The following CENPW variants were observed in gnomAD, a reference collection of about 807,000 sequenced individuals.
CENPW encodes the protein cancer-up-regulated gene 2 protein.
Under a neutral mutation model 11.1 loss-of-function variants are expected in CENPW, and 3 were observed. The observed-to-expected ratio is 0.27, with a 90% CI of 0.12 to 0.70. The LOEUF (loss-of-function observed/expected upper bound fraction) is 0.70, where lower values mean the gene tolerates loss of function less well. Among genes scored for constraint, CENPW ranks in the 30% least tolerant of loss-of-function variants. The pLI is 0.77. For missense variants in CENPW, 100 were observed against 105.6 expected (o/e 0.95, Z 0.23); for synonymous variants, 38 against 42.0 (o/e 0.91, Z 0.37).
chr6:126,440,868 T>G, the CENPW span, among the ~76,000 whole-genome samples: 1 of 151,282 alleles, frequency 6.6e-6, no homozygotes, highest in Non-Finnish European at 1.5e-5. Flanking sequence ...TTGAGGAGGG[T>G]CAGAAGTGTT....
the CENPW span, among the ~76,000 whole-genome samples, chr6:126,404,104 C>G: frequency 6.6e-6 from 1 of 152,034 alleles, no homozygotes; most frequent in Non-Finnish European, 1.5e-5. Flanking sequence ...GCATGGTTTA[C>G]TGAATATTTT....
At chr6:126,381,153 C>T in the CENPW span, among the ~76,000 whole-genome samples, 3 of 152,204 alleles carry the variant, frequency 2.0e-5, no homozygotes, top group Non-Finnish European at 4.4e-5. Flanking sequence ...TGTAGTCCCT[C>T]AGTGGTCCTT....
At chr6:126,460,863 T>C in the CENPW span, among the ~76,000 whole-genome samples, 2 of 151,810 alleles carry the variant, frequency 1.3e-5, no homozygotes, top group African/African-American at 4.8e-5. Flanking sequence ...GACATAAAAG[T>C]TGAAGACTAG....
At chr6:126,404,429 C>T in the CENPW span, among the ~76,000 whole-genome samples, 20 of 151,982 alleles carry the variant, frequency 1.3e-4, no homozygotes, top group African/African-American at 4.6e-4. Flanking sequence ...ACACTTAGAT[C>T]GATTCCATAC....
the CENPW span, among the ~76,000 whole-genome samples, chr6:126,474,605 C>A: frequency 2.0e-5 from 3 of 152,142 alleles, no homozygotes; most frequent in Non-Finnish European, 4.4e-5. Context: ...TCTGCTTCTG[C>A]TGTAAGCCAC....
chr6:126,432,070 A>C, the CENPW span, among the ~76,000 whole-genome samples: 3 of 150,180 alleles, frequency 2.0e-5, no homozygotes, highest in Admixed American at 6.6e-5. Context: ...ATCTCACAAA[A>C]AAAAAAAAAA....
At chr6:126,437,983 A>C in the CENPW span, among the ~76,000 whole-genome samples, 1 of 151,912 alleles carries the variant, frequency 6.6e-6, no homozygotes, top group African/African-American at 2.4e-5. Context: ...TTATATGATG[A>C]ATATTTATTG....
the CENPW span, among the ~76,000 whole-genome samples, chr6:126,427,471 A>G: frequency 5.6e-4 from 86 of 152,270 alleles, no homozygotes; most frequent in Middle Eastern, 6.8e-3. Context: ...TACCAGCTAC[A>G]TCAGTTTACT....
chr6:126,393,567 T>G, the CENPW span, among the ~76,000 whole-genome samples: 1 of 151,734 alleles, frequency 6.6e-6, no homozygotes, highest in South Asian at 2.1e-4. Flanking sequence ...TATTGTTTAA[T>G]TACCATTTTT....
chr6:126,435,278 AT>A, the CENPW span, among the ~76,000 whole-genome samples: 13 of 151,934 alleles, frequency 8.6e-5, no homozygotes, highest in East Asian at 1.5e-3. Flanking sequence ...GTGGAAAAAT[AT>A]TTTTTTATAA....
At chr6:126,464,313 G>A in the CENPW span, among the ~76,000 whole-genome samples, 5 of 152,106 alleles carry the variant, frequency 3.3e-5, no homozygotes, top group Non-Finnish European at 5.9e-5. Flanking sequence ...GAATAGAGAT[G>A]AATTTTATCA....
At chr6:126,464,619 C>G in the CENPW span, among the ~76,000 whole-genome samples, 2 of 152,162 alleles carry the variant, frequency 1.3e-5, no homozygotes. Flanking sequence ...AGTTCTTGAA[C>G]TTTTGGACTT....
chr6:126,480,591 C>T, the CENPW span, among the ~76,000 whole-genome samples: 4 of 151,900 alleles, frequency 2.6e-5, no homozygotes, highest in African/African-American at 9.7e-5. Context: ...ACCTCAAATA[C>T]CACAAAATGA....
chr6:126,415,179 T>C, the CENPW span, among the ~76,000 whole-genome samples: 1 of 152,066 alleles, frequency 6.6e-6, no homozygotes, highest in South Asian at 2.1e-4. Flanking sequence ...AAGAAAGGGG[T>C]TGAGTATTCA....
At chr6:126,416,697 T>C in the CENPW span, among the ~76,000 whole-genome samples, 5 of 152,166 alleles carry the variant, frequency 3.3e-5, no homozygotes, top group African/African-American at 1.2e-4. Context: ...GCCTCAAGCC[T>C]TGGCAGATTC....
the CENPW span, among the ~76,000 whole-genome samples, chr6:126,442,451 T>A: frequency 6.6e-6 from 1 of 151,312 alleles, no homozygotes; most frequent in Non-Finnish European, 1.5e-5. Flanking sequence ...TGGGAGAAAA[T>A]CTTCACAATC....
chr6:126,387,430 G>A, the CENPW span, among the ~76,000 whole-genome samples: 57 of 151,986 alleles, frequency 3.8e-4, no homozygotes, highest in African/African-American at 1.4e-3. Context: ...TTTTTAAACT[G>A]TGGTTTTCTA....
the CENPW span, among the ~76,000 whole-genome samples, chr6:126,408,230 A>G: frequency 6.6e-6 from 1 of 152,194 alleles, no homozygotes; most frequent in African/African-American, 2.4e-5. Context: ...CTCAGCCACT[A>G]AAGAAAACAT....
At chr6:126,464,560 C>A in the CENPW span, among the ~76,000 whole-genome samples, 1 of 152,138 alleles carries the variant, frequency 6.6e-6, no homozygotes. Context: ...TTCCAGCCTT[C>A]ATCTTTCTCC....
Sources: allele counts gnomAD v4.1 joint callset (sites outside exome capture counted in the v4.1 genomes callset), GRCh38; gene constraint gnomAD v4.1.1; transcripts MANE v1.5; gene names NCBI Gene and HGNC (gene_info 2026-07-23, HGNC 2026-07-21).